CSE1L: variants seen among roughly 807,000 people sequenced by gnomAD.
CSE1L encodes the protein chromosome segregation 1 like.
A neutral mutation model predicts 120.4 loss-of-function variants in CSE1L; 24 were observed. That is an observed-to-expected ratio of 0.20 (90% CI 0.14 to 0.28). CSE1L has a LOEUF of 0.28. Ranked by LOEUF, CSE1L falls within the 10% of genes least tolerant of loss-of-function variation. The pLI is 1.00. For missense variants in CSE1L, 830 were observed against 1,145.2 expected (o/e 0.72, Z 3.97); for synonymous variants, 402 against 398.3 (o/e 1.01, Z -0.11).
At position 49,096,650 on chromosome 20, in the gene CSE1L, A is replaced by G. The variant is rs898272453; in HGVS notation, c.*212A>G. On this transcript the variant is annotated 3_prime_UTR_variant, in exon 25 of 25. Coordinates refer to ENST00000262982, the MANE Select transcript of CSE1L (RefSeq NM_001316.4). ...TTATGTGGGTGGCTTCTAGTTTGCA[A>G]CTTCAAGGGACAAGTATTAATAGTT... 10 of 583,886 alleles carry G rather than the reference A, an allele frequency of 1.7e-5. No homozygotes were observed. Among genetic ancestry groups the G allele is most frequent in the Non-Finnish European group, 2.7e-5 (9 of 328,310 alleles). The allele number at this position is 583,886 out of a possible 1,614,324, so 36.2% of individuals were successfully genotyped here.
At chr20:49,094,985 T>C (rs1176945118) in intron 24 of CSE1L, 22 bp downstream of exon 24, 6 of 1,588,144 alleles carry the variant, frequency 3.8e-6, no homozygotes, top group Non-Finnish European at 5.2e-6. Context: ...GTCAAAGAAC[T>C]CTGTGATAAA....
At chr20:49,093,506 A>C (rs1005062999) in intron 22 of CSE1L, among the ~76,000 whole-genome samples, 1 of 151,796 alleles carries the variant, frequency 6.6e-6, no homozygotes, top group African/African-American at 2.4e-5. Flanking sequence ...CAAAAATGTT[A>C]AAACTAGTTG....
At chr20:49,083,169 C>G (rs1362149962) in intron 14 of CSE1L, among the ~76,000 whole-genome samples, 1 of 151,986 alleles carries the variant, frequency 6.6e-6, no homozygotes. Flanking sequence ...GGACTACAGG[C>G]GCATGCCACC....
At chr20:49,081,405 C>T (rs909550546) in intron 14 of CSE1L, among the ~76,000 whole-genome samples, 1 of 152,166 alleles carries the variant, frequency 6.6e-6, no homozygotes, top group African/African-American at 2.4e-5. Flanking sequence ...CACTTTCAGC[C>T]TCCCGAGTAG....
chr20:49,072,232 A>T, intron 8 of CSE1L, 54 bp from the exon 9 acceptor site: 1 of 1,574,160 alleles, frequency 6.4e-7, no homozygotes, highest in Admixed American at 1.8e-5. Context: ...TACTCCTCTT[A>T]CTTATGTTAG....
chr20:49,055,621 G>A (rs1316463120), intron 1 of CSE1L, among the ~76,000 whole-genome samples: 1 of 152,174 alleles, frequency 6.6e-6, no homozygotes, highest in Non-Finnish European at 1.5e-5. Context: ...AGAGGCTGAG[G>A]TGGGAGGTTG....
intron 2 of CSE1L, among the ~76,000 whole-genome samples, chr20:49,062,813 C>T (rs954629955): frequency 6.6e-6 from 1 of 151,774 alleles, no homozygotes; most frequent in Non-Finnish European, 1.5e-5. Flanking sequence ...CTCTTCATCA[C>T]TAGCCTATAA....
intron 6 of CSE1L, 62 bp from the exon 7 acceptor site, chr20:49,068,649 TTTCA>T (rs1568771551): frequency 4.8e-6 from 5 of 1,035,372 alleles, no homozygotes; most frequent in Middle Eastern, 2.0e-4. Flanking sequence ...TGCAAGGCTG[TTTCA>T]CTAAGATCAG....
At chr20:49,047,552 C>CTTTTTT (rs1230411564) in intron 1 of CSE1L, among the ~76,000 whole-genome samples, 4 of 89,798 alleles carry the variant, frequency 4.5e-5, no homozygotes, top group African/African-American at 1.9e-4. Flanking sequence ...TTTTCTTTTT[C>CTTTTTT]TTTTCTCTTT....
At chr20:49,048,438 G>A (rs189370543) in intron 1 of CSE1L, among the ~76,000 whole-genome samples, 1 of 152,216 alleles carries the variant, frequency 6.6e-6, no homozygotes, top group East Asian at 1.9e-4. Context: ...TTCCCTTGAG[G>A]ACCATGTATT....
chr20:49,054,102 A>G (rs539189775), intron 1 of CSE1L, among the ~76,000 whole-genome samples: 4 of 152,210 alleles, frequency 2.6e-5, no homozygotes, highest in Non-Finnish European at 4.4e-5. Flanking sequence ...GCCTCTCAAT[A>G]GATTGTATGT....
intron 2 of CSE1L, 21 bp downstream of exon 2, chr20:49,058,569 T>C: frequency 6.3e-7 from 1 of 1,596,528 alleles, no homozygotes; most frequent in East Asian, 2.2e-5. Context: ...TAAACGTTTT[T>C]TGGTTGATTA....
intron 1 of CSE1L, among the ~76,000 whole-genome samples, chr20:49,049,329 G>A (rs188909535): frequency 7.9e-5 from 12 of 151,676 alleles, no homozygotes; most frequent in African/African-American, 2.9e-4. Flanking sequence ...GACTACAGGC[G>A]TGCACCACCA....
chr20:49,047,552 C>CTTT (rs1230411564), intron 1 of CSE1L, among the ~76,000 whole-genome samples: 2 of 89,802 alleles, frequency 2.2e-5, no homozygotes, highest in African/African-American at 9.3e-5. Context: ...TTTTCTTTTT[C>CTTT]TTTTCTCTTT....
intron 1 of CSE1L, among the ~76,000 whole-genome samples, chr20:49,058,030 C>G (rs1016909775): frequency 1.3e-5 from 2 of 152,156 alleles, no homozygotes; most frequent in African/African-American, 4.8e-5. Context: ...CTCAGCCTCC[C>G]AAAGTGTCGG....
chr20:49,067,419 A>G, intron 6 of CSE1L, 139 bp downstream of exon 6: 1 of 546,568 alleles, frequency 1.8e-6, no homozygotes, highest in South Asian at 3.4e-5. Context: ...TTTCAAACCT[A>G]CACAGAAATA....
At chr20:49,078,731 TAAC>T in intron 14 of CSE1L, 109 bp downstream of exon 14, 1 of 661,314 alleles carries the variant, frequency 1.5e-6, no homozygotes, top group Non-Finnish European at 2.4e-6. Flanking sequence ...CTAACAAAAT[TAAC>T]AATGATTTCT....
chr20:49,061,160 A>G (rs1006060973), intron 2 of CSE1L, among the ~76,000 whole-genome samples: 3 of 147,680 alleles, frequency 2.0e-5, no homozygotes, highest in African/African-American at 7.6e-5. Context: ...TGCCAACACT[A>G]TTAAAAATTT....
intron 3 of CSE1L, among the ~76,000 whole-genome samples, chr20:49,064,824 T>C (rs550610893): frequency 6.8e-4 from 102 of 151,004 alleles, no homozygotes; most frequent in African/African-American, 2.3e-3. Flanking sequence ...TTGGGTGATA[T>C]AATCTAGGAT....
Sources: gnomAD v4.1 joint callset for allele counts (sites outside exome capture counted in the v4.1 genomes callset) on GRCh38, gnomAD v4.1.1 for gene constraint, MANE v1.5 for transcripts, NCBI Gene and HGNC (gene_info 2026-07-23, HGNC 2026-07-21) for gene names.